The following AKR1C8 variants were observed in gnomAD, a reference collection of about 807,000 sequenced individuals.
AKR1C8 encodes aldo-keto reductase family 1 member C-like protein 1.
At chr10:5,138,993 C>T in the AKR1C8 span, among the ~76,000 whole-genome samples, 3 of 152,164 alleles carry the variant, frequency 2.0e-5, no homozygotes, top group African/African-American at 7.2e-5. Context: ...GCAAAAATCA[C>T]AAGCATTCCT....
At chr10:5,178,853 AT>A in the AKR1C8 span, among the ~76,000 whole-genome samples, 1 of 151,372 alleles carries the variant, frequency 6.6e-6, no homozygotes, top group Non-Finnish European at 1.5e-5. Context: ...CCATCCTTTT[AT>A]TTTGAGCCTA....
At chr10:5,157,825 A>T in the AKR1C8 span, 1 of 460,242 alleles carries the variant, frequency 2.2e-6, no homozygotes, top group South Asian at 1.6e-5. Context: ...ACAGACACAG[A>T]TGTGAAGGAT....
the AKR1C8 span, among the ~76,000 whole-genome samples, chr10:5,164,156 C>T: frequency 3.3e-5 from 5 of 152,062 alleles, no homozygotes; most frequent in Non-Finnish European, 5.9e-5. Context: ...AGTCTCGGAC[C>T]AAGGTCCTGG....
At chr10:5,136,740 T>A in the AKR1C8 span, among the ~76,000 whole-genome samples, 1 of 152,214 alleles carries the variant, frequency 6.6e-6, no homozygotes, top group Non-Finnish European at 1.5e-5. Context: ...CTATATGTTC[T>A]GAATCAGAAA....
At chr10:5,133,569 A>T in the AKR1C8 span, among the ~76,000 whole-genome samples, 1 of 152,104 alleles carries the variant, frequency 6.6e-6, no homozygotes, top group Admixed American at 6.6e-5. Context: ...TCTACAAGGG[A>T]TGCTATTTGG....
At chr10:5,132,748 C>T in the AKR1C8 span, 11 of 1,482,754 alleles carry the variant, frequency 7.4e-6, no homozygotes, top group Non-Finnish European at 1.0e-5. Flanking sequence ...TTTGTAACCT[C>T]CACAACTCTA....
the AKR1C8 span, among the ~76,000 whole-genome samples, chr10:5,161,353 G>A: frequency 0.012 from 1,884 of 152,224 alleles, 25 homozygotes; most frequent in Non-Finnish European, 0.015. Flanking sequence ...CTCAGCCAAC[G>A]TCCACTGTGA....
At chr10:5,132,355 A>G in the AKR1C8 span, among the ~76,000 whole-genome samples, 14 of 152,218 alleles carry the variant, frequency 9.2e-5, no homozygotes, top group African/African-American at 3.1e-4. Context: ...CATAAAAAAT[A>G]TTTTACTGAT....
the AKR1C8 span, among the ~76,000 whole-genome samples, chr10:5,131,791 C>T: frequency 6.6e-6 from 1 of 152,020 alleles, no homozygotes; most frequent in Non-Finnish European, 1.5e-5. Context: ...GGAGATTCCT[C>T]AAAGAACTCA....
At chr10:5,160,450 C>A in the AKR1C8 span, among the ~76,000 whole-genome samples, 2 of 152,066 alleles carry the variant, frequency 1.3e-5, no homozygotes, top group Non-Finnish European at 2.9e-5. Context: ...CACCTTCCAC[C>A]CTCCTGCTGA....
At chr10:5,120,061 C>A in the AKR1C8 span, among the ~76,000 whole-genome samples, 28 of 152,166 alleles carry the variant, frequency 1.8e-4, no homozygotes, top group Non-Finnish European at 1.9e-4. Context: ...GTTTGTTTAC[C>A]GGAATGATGG....
the AKR1C8 span, among the ~76,000 whole-genome samples, chr10:5,164,141 C>T: frequency 6.6e-6 from 1 of 152,246 alleles, no homozygotes; most frequent in Non-Finnish European, 1.5e-5. Flanking sequence ...CTCCAACTCT[C>T]TATTAGTCTC....
chr10:5,184,444 T>C, the AKR1C8 span, among the ~76,000 whole-genome samples: 3 of 152,320 alleles, frequency 2.0e-5, no homozygotes, highest in African/African-American at 7.2e-5. Flanking sequence ...GCTTCTTATA[T>C]AGCAAAAAGT....
chr10:5,119,449 T>C, the AKR1C8 span, among the ~76,000 whole-genome samples: 3 of 152,174 alleles, frequency 2.0e-5, no homozygotes, highest in Non-Finnish European at 4.4e-5. Context: ...CAAGCATAAA[T>C]ATTTGCATAG....
chr10:5,167,388 TG>T, the AKR1C8 span, among the ~76,000 whole-genome samples: 1 of 152,218 alleles, frequency 6.6e-6, no homozygotes, highest in African/African-American at 2.4e-5. Context: ...CCAACCCAAA[TG>T]TCCAACAATG....
chr10:5,152,254 G>GT, the AKR1C8 span, among the ~76,000 whole-genome samples: 1 of 152,184 alleles, frequency 6.6e-6, no homozygotes, highest in African/African-American at 2.4e-5. Context: ...GTGTGCTATA[G>GT]TTTTTTGAAA....
the AKR1C8 span, among the ~76,000 whole-genome samples, chr10:5,162,679 A>G: frequency 2.0e-5 from 3 of 152,180 alleles, no homozygotes; most frequent in East Asian, 5.8e-4. Context: ...ACACTGAAGA[A>G]TTGTGTTCTA....
chr10:5,142,231 G>T, the AKR1C8 span, among the ~76,000 whole-genome samples: 351 of 152,192 alleles, frequency 2.3e-3, 1 homozygote, highest in African/African-American at 7.8e-3. Context: ...GAGAGTTAAG[G>T]TCTTCTTCTG....
the AKR1C8 span, among the ~76,000 whole-genome samples, chr10:5,133,176 C>G: frequency 6.6e-6 from 1 of 152,110 alleles, no homozygotes; most frequent in Non-Finnish European, 1.5e-5. Flanking sequence ...TCTGCCCCTC[C>G]CCCACTTCAT....
Sources: gnomAD v4.1 joint callset for allele counts (sites outside exome capture counted in the v4.1 genomes callset) on GRCh38, gnomAD v4.1.1 for gene constraint, MANE v1.5 for transcripts, NCBI Gene and HGNC (gene_info 2026-07-23, HGNC 2026-07-21) for gene names.